Variants in DIPK1A observed in about 807,000 individuals in gnomAD.
DIPK1A encodes the protein divergent protein kinase domain 1A, also known as family with sequence similarity 69 member A.
In DIPK1A, 27 loss-of-function variants were observed where a neutral mutation model predicts 40.8. That is an observed-to-expected ratio of 0.66 (90% CI 0.49 to 0.91). The LOEUF (loss-of-function observed/expected upper bound fraction) is 0.91. Among genes scored for constraint, DIPK1A ranks in the 40% least tolerant of loss-of-function variants. DIPK1A has a pLI of 0.00. For synonymous variants in DIPK1A, 166 were observed against 171.3 expected (o/e 0.97, Z 0.24); for missense variants, 412 against 505.7 (o/e 0.81, Z 1.78).
intron 2 of DIPK1A, among the ~76,000 whole-genome samples, chr1:92,872,069 C>CTTTTTTTTTTTTTTTTTTT (rs148010880): frequency 1.5e-5 from 1 of 67,936 alleles, no homozygotes; most frequent in Non-Finnish European, 2.6e-5. Flanking sequence ...TTCTTTAAAT[C>CTTTTTTTTTTTTTTTTTTT]TTTTTTTTTT....
chr1:92,841,452 A>G (rs904546900), downstream of DIPK1A, among the ~76,000 whole-genome samples: 3 of 152,194 alleles, frequency 2.0e-5, no homozygotes, highest in African/African-American at 7.2e-5. Context: ...TGCAATGAAC[A>G]TGGGAGTGCC....
intron 1 of DIPK1A, among the ~76,000 whole-genome samples, chr1:92,922,902 C>T (rs1188444294): frequency 1.3e-5 from 2 of 152,002 alleles, no homozygotes; most frequent in African/African-American, 2.4e-5. Flanking sequence ...CCATAGCTAC[C>T]ATCTCCCTCA....
At chr1:92,939,444 A>T (rs1236218845) in intron 1 of DIPK1A, among the ~76,000 whole-genome samples, 14 of 152,174 alleles carry the variant, frequency 9.2e-5, no homozygotes. Flanking sequence ...TTCTTAATAG[A>T]GCAGTCAGCA....
chr1:92,837,670 T>C, downstream of DIPK1A: 1 of 1,542,288 alleles, frequency 6.5e-7, no homozygotes, highest in Non-Finnish European at 8.8e-7. Flanking sequence ...TATTGGTTAA[T>C]TTATGGAAAT....
intron 1 of DIPK1A, among the ~76,000 whole-genome samples, chr1:92,951,281 A>G (rs1651623964): frequency 6.6e-6 from 1 of 152,170 alleles, no homozygotes; most frequent in Non-Finnish European, 1.5e-5. Context: ...AAAGGGAAAC[A>G]TGAACCATGA....
chr1:92,949,073 T>C (rs1651521145), intron 1 of DIPK1A, among the ~76,000 whole-genome samples: 1 of 151,836 alleles, frequency 6.6e-6, no homozygotes, highest in South Asian at 2.1e-4. Context: ...CTCAAAGTAC[T>C]GGGATTAGTT....
At chr1:92,853,298 G>C (rs1394583439) in intron 2 of DIPK1A, among the ~76,000 whole-genome samples, 1 of 152,206 alleles carries the variant, frequency 6.6e-6, no homozygotes, top group East Asian at 1.9e-4. Context: ...TTAATCTATA[G>C]ATTGAAAGGA....
chr1:92,939,770 A>G (rs1407532519), intron 1 of DIPK1A, among the ~76,000 whole-genome samples: 1 of 152,194 alleles, frequency 6.6e-6, no homozygotes, highest in East Asian at 1.9e-4. Context: ...CCTGGCCAAC[A>G]TAGTGAAACC....
intron 1 of DIPK1A, among the ~76,000 whole-genome samples, chr1:92,909,972 C>G (rs530557137): frequency 6.6e-6 from 1 of 152,282 alleles, no homozygotes; most frequent in African/African-American, 2.4e-5. Context: ...GGAGTCTTTG[C>G]CTTCTTTGTA....
intron 1 of DIPK1A, among the ~76,000 whole-genome samples, chr1:92,891,667 C>T (rs1406839514): frequency 6.6e-6 from 1 of 152,112 alleles, no homozygotes; most frequent in Non-Finnish European, 1.5e-5. Context: ...GGGTGCAGGA[C>T]AGTGGGTGCA....
intron 1 of DIPK1A, among the ~76,000 whole-genome samples, chr1:92,922,436 C>T (rs531546192): frequency 2.6e-5 from 4 of 151,290 alleles, no homozygotes; most frequent in Non-Finnish European, 4.4e-5. Context: ...GAATTATTTG[C>T]GCCCAACTAC....
Position 92,896,569 on chromosome 1 carries a change from C to G in DIPK1A, c.55-20139G>C, listed in dbSNP as rs1245144816. 3.4e-4 allele frequency among the ~76,000 whole-genome samples: 51 copies of G among 149,788 alleles called. 1 individual carries two copies. Among genetic ancestry groups the G allele is most frequent in the African/African-American group, 1.1e-3 (47 of 40,876 alleles). ...TAAAAACCCTAGAAGAAAACCTAGGCAATACCATTCAGGACATAGGCATGG... is the reference window on the plus strand; with the variant it reads ...TAAAAACCCTAGAAGAAAACCTAGGGAATACCATTCAGGACATAGGCATGG... On this transcript the variant is annotated intron_variant, in intron 1 of 4. Transcript: ENST00000370310.
At chr1:92,845,692 T>G (rs1470190271) in intron 4 of DIPK1A, among the ~76,000 whole-genome samples, 1 of 151,010 alleles carries the variant, frequency 6.6e-6, no homozygotes, top group East Asian at 2.0e-4. Context: ...ATACAAAAAT[T>G]AGGTGTGGTG....
intron 1 of DIPK1A, among the ~76,000 whole-genome samples, chr1:92,940,503 A>T (rs1212163495): frequency 5.9e-5 from 9 of 152,358 alleles, no homozygotes; most frequent in Admixed American, 5.9e-4. Flanking sequence ...ACAAATGCCA[A>T]GTTCCTTAAT....
At chr1:92,945,890 C>T (rs1651342330) in intron 1 of DIPK1A, among the ~76,000 whole-genome samples, 1 of 152,108 alleles carries the variant, frequency 6.6e-6, no homozygotes, top group South Asian at 2.1e-4. Context: ...GAAACTGTGG[C>T]CGATGGACAG....
chr1:92,833,051 T>G (rs369438439), intron 4 of DIPK1A: 1 of 734,156 alleles, frequency 1.4e-6, no homozygotes, highest in Non-Finnish European at 2.5e-6. Context: ...GAAACAAATA[T>G]GGAAATTGAA....
intron 1 of DIPK1A, among the ~76,000 whole-genome samples, chr1:92,945,191 C>G (rs539516644): frequency 7.3e-5 from 11 of 151,696 alleles, no homozygotes; most frequent in Middle Eastern, 3.4e-3. Context: ...AGGATTTCAC[C>G]ACAGAATATG....
At chr1:92,887,142 G>A (rs78231006) in intron 1 of DIPK1A, among the ~76,000 whole-genome samples, 3,292 of 151,652 alleles carry the variant, frequency 0.022, 112 homozygotes, top group African/African-American at 0.075. Context: ...ATTGGGCCAG[G>A]TGTAGTGGCT....
chr1:92,871,172 TA>T (rs1647829380), intron 2 of DIPK1A, among the ~76,000 whole-genome samples: 1 of 152,204 alleles, frequency 6.6e-6, no homozygotes, highest in Non-Finnish European at 1.5e-5. Flanking sequence ...TTTATTTATT[TA>T]TTTTTTTCTG....
Sources: allele counts gnomAD v4.1 joint callset (sites outside exome capture counted in the v4.1 genomes callset), GRCh38; gene constraint gnomAD v4.1.1; transcripts MANE v1.5; gene names NCBI Gene and HGNC (gene_info 2026-07-23, HGNC 2026-07-21).